NLRP2: variants seen among roughly 807,000 people sequenced by gnomAD.
NLRP2 encodes the protein NACHT, LRR and PYD domains-containing protein 2.
In NLRP2, 107 loss-of-function variants were observed where a neutral mutation model predicts 97.2. That is an observed-to-expected ratio of 1.10 (90% CI 0.94 to 1.29). NLRP2 has a LOEUF of 1.29. NLRP2 is among the 50% of genes most tolerant of loss of function. The pLI is 0.00. For missense variants in NLRP2, 1,495 were observed against 1,330.3 expected, an observed-to-expected ratio of 1.12 and a Z score of -1.93; for synonymous variants, 663 against 551.5, an observed-to-expected ratio of 1.20 and a Z score of -2.83.
At chr19:54,968,558 A>G (rs2070629475) in intron 1 of NLRP2, among the ~76,000 whole-genome samples, 1 of 149,790 alleles carries the variant, frequency 6.7e-6, no homozygotes, top group Non-Finnish European at 1.5e-5. Flanking sequence ...CTGGTCTCAA[A>G]CTCCAAGCAA....
rs146632517 is a variant in NLRP2 at position 54,986,258 on chromosome 19, T to G, written c.2309T>G (p.Met770Arg). ...LTLQGNDQDDMFPALCEVLRH... is the reference protein window; with the variant it reads ...LTLQGNDQDDRFPALCEVLRH... ...CTTCAAGGCAATGACCAGGATGATA[T>G]GTTTCCCGCATTGTGTGAGGTCTTG... The change falls in exon 8 of 13, where the codon ATG becomes AGG. Residue 770 changes from methionine to arginine, a missense_variant. Coordinates refer to ENST00000448584, the MANE Select transcript of NLRP2 (RefSeq NM_017852.5). The G allele has an allele frequency of 1.2e-6, 2 of 1,614,110 alleles. No homozygotes were observed. Among genetic ancestry groups the G allele is most frequent in the Non-Finnish European group, 1.7e-6 (2 of 1,179,984 alleles).
chr19:54,975,245 T>C (rs8109334), intron 3 of NLRP2, among the ~76,000 whole-genome samples: 8,456 of 136,424 alleles, frequency 0.062, 461 homozygotes, highest in East Asian at 0.2. Context: ...CTCAGCCTCC[T>C]GAGTAGCTGG....
At chr19:54,967,917 A>ATTTT (rs55659818) in intron 1 of NLRP2, among the ~76,000 whole-genome samples, 1,944 of 126,254 alleles carry the variant, frequency 0.015, 28 homozygotes, top group East Asian at 0.048. Flanking sequence ...TGCTACTGCT[A>ATTTT]TTTTTTTTTT....
intron 6 of NLRP2, 121 bp from the exon 7 acceptor site, chr19:54,984,926 G>GATT (rs1213367403): frequency 1.1e-6 from 1 of 913,064 alleles, no homozygotes; most frequent in East Asian, 2.4e-5. Flanking sequence ...GCTAATAAGT[G>GATT]ATTACATGGT....
chr19:54,982,711 C>A lies in NLRP2; in HGVS notation c.1013C>A (p.Pro338His). 1 of 1,614,062 alleles carries A rather than the reference C, an allele frequency of 6.2e-7. No individual in the cohort carries two copies. The highest frequency in any genetic ancestry group is 8.5e-7 in the Non-Finnish European group (1 of 1,179,990). ...GCCGCCCTGCTGGTCACCACGCGGC[C>A]CAGGGCCCTGAGGGACCTCCGGATC... ...PKAALLVTTR[P>H]RALRDLRILA... Residue 338 changes from proline to histidine, a missense_variant, in exon 6 of 13, where the codon CCC becomes CAC. Pro to His is a moderately conservative substitution (Grantham distance 77, BLOSUM62 -2). Transcript: ENST00000448584.
intron 3 of NLRP2, chr19:54,976,809 TCTC>T (rs1283755877): frequency 2.3e-5 from 8 of 350,654 alleles, no homozygotes; most frequent in Middle Eastern, 3.9e-4. Context: ...CCTTGTTCTC[TCTC>T]TTTTTTTTTT....
At chr19:54,992,647 C>T (rs1390399158) in intron 10 of NLRP2, among the ~76,000 whole-genome samples, 1 of 148,740 alleles carries the variant, frequency 6.7e-6, no homozygotes, top group East Asian at 2.0e-4. Context: ...TCACTGCAAC[C>T]TCCACCTCCT....
At chr19:54,986,128 C>T (rs372411439) in intron 7 of NLRP2, 23 bp from the exon 8 acceptor site, 2 of 1,576,182 alleles carry the variant, frequency 1.3e-6, no homozygotes, top group Non-Finnish European at 8.7e-7. Flanking sequence ...CTAAAGATTT[C>T]ACTTTCGTTC....
chr19:54,982,059 T>G, intron 5 of NLRP2, 103 bp from the exon 6 acceptor site: 8 of 1,445,942 alleles, frequency 5.5e-6, no homozygotes, highest in African/African-American at 1.4e-5. Context: ...ATTACAGGCA[T>G]GAGCCACTGT....
In NLRP2 at chr19:54,985,041, C is replaced by T; in HGVS notation, c.2031-6C>T. 4 of 1,613,962 alleles carry T rather than the reference C, an allele frequency of 2.5e-6. No homozygotes were observed. The highest frequency in any genetic ancestry group is 1.1e-5 in the South Asian group (1 of 91,076). On this transcript the variant is annotated splice_region_variant and splice_polypyrimidine_tract_variant and intron_variant, in intron 6 of 12. Transcript: ENST00000448584. ...TTGGTGTAACCCTTTCTTCTCTTCC[C>T]TATAGATCCCAGGATGATCAGCACA...
chr19:54,976,035 C>T (rs1402825396), intron 3 of NLRP2, among the ~76,000 whole-genome samples: 1 of 150,456 alleles, frequency 6.6e-6, no homozygotes, highest in Non-Finnish European at 1.5e-5. Flanking sequence ...AGACATGATT[C>T]ACCACACCTG....
chr19:54,973,499 C>T (rs1386130814), intron 2 of NLRP2, among the ~76,000 whole-genome samples: 2 of 151,932 alleles, frequency 1.3e-5, no homozygotes, highest in Non-Finnish European at 2.9e-5. Flanking sequence ...CCTCAGCCTC[C>T]AGAGTAGCTG....
intron 3 of NLRP2, among the ~76,000 whole-genome samples, chr19:54,976,130 C>T (rs1005404406): frequency 6.6e-6 from 1 of 151,740 alleles, no homozygotes; most frequent in Non-Finnish European, 1.5e-5. Flanking sequence ...CTCACTGCAA[C>T]CTCTGACCTC....
At chr19:54,990,307 C>A (rs1159805702) in intron 9 of NLRP2, 115 bp downstream of exon 9, 6 of 1,212,842 alleles carry the variant, frequency 4.9e-6, no homozygotes, top group African/African-American at 1.5e-5. Context: ...ACACCTGTTC[C>A]CATGTTTAGA....
chr19:54,972,403 G>C (rs904648346), intron 2 of NLRP2, among the ~76,000 whole-genome samples: 10 of 151,736 alleles, frequency 6.6e-5, no homozygotes, highest in African/African-American at 2.4e-4. Context: ...GGCTGGTCTT[G>C]AACTCCTGAC....
intron 12 of NLRP2, among the ~76,000 whole-genome samples, chr19:55,000,347 G>T (rs2073112471): frequency 8.2e-6 from 1 of 122,646 alleles, no homozygotes; most frequent in Admixed American, 1.1e-4. Context: ...CACGATCTCG[G>T]CTCACTGCAA....
At chr19:54,978,704 G>A (rs62124641) in intron 4 of NLRP2, among the ~76,000 whole-genome samples, 13,094 of 151,494 alleles carry the variant, frequency 0.086, 810 homozygotes, top group East Asian at 0.25. Context: ...AAAATTAGCC[G>A]GGTGTGGTGG....
chr19:54,990,185 A>T lies in NLRP2; in HGVS notation c.2530A>T (p.Arg844Trp). The stretch of plus-strand genomic sequence containing the variant: ...GAGACACCCCAAGTGCTTTCTGCAG[A>T]GGTTGTCGTAAGTCTCTCCTCTCTT... ...TLRHPKCFLQ[R>W]LSLENCHLTE... The change falls in exon 9 of 13, where the codon AGG (arginine) becomes TGG (tryptophan). Residue 844 changes from arginine (R) to tryptophan (W), a missense_variant. Arg to Trp is a moderately radical substitution (Grantham distance 101, BLOSUM62 -3). Transcript: ENST00000448584. The T allele has an allele frequency of 6.2e-7, 1 of 1,614,024 alleles. No homozygotes were observed. The highest frequency in any genetic ancestry group is 8.5e-7 in the Non-Finnish European group (1 of 1,179,990).
At chr19:54,999,881 G>C (rs927582481) in intron 12 of NLRP2, among the ~76,000 whole-genome samples, 21 of 151,678 alleles carry the variant, frequency 1.4e-4, no homozygotes, top group African/African-American at 4.8e-4. Flanking sequence ...GGATTATAGG[G>C]ATGCACCATC....
Sources: allele counts gnomAD v4.1 joint callset (sites outside exome capture counted in the v4.1 genomes callset), GRCh38; gene constraint gnomAD v4.1.1; transcripts MANE v1.5; gene names NCBI Gene and HGNC (gene_info 2026-07-23, HGNC 2026-07-21).